Variants in PSMD13 observed in about 807,000 individuals in gnomAD.
PSMD13 encodes proteasome 26S subunit, non-ATPase 13, also known as 26S proteasome non-ATPase regulatory subunit 13.
Under a neutral mutation model 57.4 loss-of-function variants are expected in PSMD13, and 8 were observed. That is an observed-to-expected ratio of 0.14 (90% CI 0.08 to 0.25). PSMD13 has a LOEUF of 0.25. PSMD13 is among the 10% of genes least tolerant of loss of function. The probability of loss-of-function intolerance (pLI) is 1.00; values close to 1 mark genes in which losing one functional copy is unlikely to be tolerated. For synonymous variants in PSMD13, 193 were observed against 168.2 expected (o/e 1.15, Z -1.14); for missense variants, 400 against 461.5 (o/e 0.87, Z 1.22).
chr11:244,009 C>G, intron 2 of PSMD13, 32 bp from the exon 3 acceptor site: 1 of 1,584,270 alleles, frequency 6.3e-7, no homozygotes, highest in Non-Finnish European at 8.6e-7. Flanking sequence ...AAAAGACATC[C>G]TATAATTTCT....
intron 7 of PSMD13, 42 bp from the exon 8 acceptor site, chr11:248,734 T>C (rs1189857627): frequency 2.5e-6 from 4 of 1,579,122 alleles, no homozygotes; most frequent in Admixed American, 3.3e-5. Flanking sequence ...CAGGACTGAT[T>C]ATTATGACTG....
In PSMD13 at chr11:244,458, A is replaced by G; in HGVS notation, c.298A>G (p.Thr100Ala). Residue 100 changes from threonine (T) to alanine (A), a missense_variant, in exon 5 of 13, where the codon ACT (threonine) becomes GCT (alanine). Coordinates refer to ENST00000532097, the MANE Select transcript of PSMD13 (RefSeq NM_002817.4). ...PNVALTFLEK[T>A]REKVKSSDEA... The stretch of plus-strand genomic sequence containing the variant: ...TGTGGCTCTTACTTTTCTGGAAAAG[A>G]CTCGTGAGAAGGTAAATGTGGCATG... 1 of 1,607,704 alleles carries G rather than the reference A, an allele frequency of 6.2e-7. No homozygotes were observed. Among genetic ancestry groups the G allele is most frequent in the Non-Finnish European group, 8.5e-7 (1 of 1,176,246 alleles).
At chr11:245,986 G>C (rs569832427) in intron 6 of PSMD13, among the ~76,000 whole-genome samples, 12 of 152,152 alleles carry the variant, frequency 7.9e-5, no homozygotes, top group African/African-American at 2.7e-4. Flanking sequence ...GCACAGTCAG[G>C]GTCCCAGTAC....
intron 9 of PSMD13, among the ~76,000 whole-genome samples, chr11:249,586 G>A (rs1859732100): frequency 3.1e-5 from 3 of 95,252 alleles, no homozygotes; most frequent in Admixed American, 1.1e-4. Flanking sequence ...GAGAGCGGCG[G>A]GTGCGGGGAG....
intron 1 of PSMD13, among the ~76,000 whole-genome samples, chr11:237,861 G>C (rs181296190): frequency 6.6e-6 from 1 of 152,248 alleles, no homozygotes; most frequent in East Asian, 1.9e-4. Flanking sequence ...GCTGGCATTG[G>C]GCTGGAGCTA....
intron 2 of PSMD13, among the ~76,000 whole-genome samples, 198 bp downstream of exon 2, chr11:239,274 A>G (rs1380616436): frequency 6.6e-6 from 1 of 152,190 alleles, no homozygotes; most frequent in African/African-American, 2.4e-5. Flanking sequence ...TTTTTGATGT[A>G]GAAGCAAACA....
In PSMD13 at chr11:247,316, C is replaced by G; in HGVS notation, c.436C>G (p.Pro146Ala). ...TGTTGAAGAAATGCTCAACAACCTT[C>G]CTGGTGTGACATCGGTTCACAGTCG... ...EDVEEMLNNL[P>A]GVTSVHSRFY... The change falls in exon 7 of 13, where the codon CCT becomes GCT. Residue 146 changes from proline to alanine, a missense_variant. Coordinates refer to ENST00000532097, the MANE Select transcript of PSMD13 (RefSeq NM_002817.4). 2.5e-6 allele frequency: 4 copies of G among 1,613,930 alleles called. No individual in the cohort carries two copies. Among genetic ancestry groups the G allele is most frequent in the Non-Finnish European group, 3.4e-6 (4 of 1,179,936 alleles).
chr11:246,161 G>T (rs537130673), intron 6 of PSMD13, among the ~76,000 whole-genome samples: 1 of 152,088 alleles, frequency 6.6e-6, no homozygotes, highest in African/African-American at 2.4e-5. Flanking sequence ...ACTCCTATAC[G>T]GTATTTCATT....
chr11:246,509 A>G (rs887001365), intron 6 of PSMD13, among the ~76,000 whole-genome samples: 1 of 152,184 alleles, frequency 6.6e-6, no homozygotes, highest in Non-Finnish European at 1.5e-5. Context: ...TCAAAAAAAA[A>G]GGGAGATTTA....
At chr11:245,014 CA>C (rs1564821832) in intron 6 of PSMD13, among the ~76,000 whole-genome samples, 1 of 151,584 alleles carries the variant, frequency 6.6e-6, no homozygotes, top group Non-Finnish European at 1.5e-5. Flanking sequence ...AATCTCGGCC[CA>C]CCGCAACCTC....
At chr11:248,664 TAAC>T (rs564043364) in intron 7 of PSMD13, 109 bp from the exon 8 acceptor site, 408 of 1,043,474 alleles carry the variant, frequency 3.9e-4, no homozygotes, top group Non-Finnish European at 5.6e-4. Flanking sequence ...GGCTTTGTAA[TAAC>T]AACCATTACA....
chr11:243,298 T>G, intron 2 of PSMD13: 1 of 409,932 alleles, frequency 2.4e-6, no homozygotes, highest in South Asian at 2.2e-5. Context: ...TGCTTTTATA[T>G]TGAACATCAC....
chr11:249,049 G>A lies in PSMD13; in HGVS notation c.766G>A (p.Gly256Ser), dbSNP rs775054598. The change falls in exon 9 of 13, where the codon GGC becomes AGC. Residue 256 changes from glycine to serine, a missense_variant. By Grantham distance (56) the Gly-to-Ser change is moderately conservative. Coordinates refer to ENST00000532097, the MANE Select transcript of PSMD13 (RefSeq NM_002817.4). ...ERFQTLKTAW[G>S]QQPDLAANEA... Reference sequence around the variant, plus strand: ...GTTCCAGACTCTGAAGACTGCCTGGGGCCAGCAGGTAGGACTCCCACGATG... The same window carrying A: ...GTTCCAGACTCTGAAGACTGCCTGGAGCCAGCAGGTAGGACTCCCACGATG... 2 of 1,612,522 alleles carry A rather than the reference G, an allele frequency of 1.2e-6. No individual in the cohort carries two copies. Among genetic ancestry groups the A allele is most frequent in the Non-Finnish European group, 8.5e-7 (1 of 1,180,010 alleles).
chr11:239,111 A>T (rs776886863), intron 2 of PSMD13, 35 bp downstream of exon 2: 1 of 1,548,146 alleles, frequency 6.5e-7, no homozygotes. Context: ...AGATTATATG[A>T]ATGTGCTCAA....
rs374910609 is a variant in PSMD13 at position 251,776 on chromosome 11, G to C, written c.919-44G>C. On this transcript the variant is annotated intron_variant, in intron 11 of 12. Coordinates refer to ENST00000532097, the MANE Select transcript of PSMD13 (RefSeq NM_002817.4). The surrounding 1 kb of genome is among the most constrained non-coding windows in gnomAD (Gnocchi z 4.6). ...ACAAGCCATCTGGGTCCATGGGGGTGTGTCAGGCTATCTTGTCTTACACAC... is the reference window on the plus strand; with the variant it reads ...ACAAGCCATCTGGGTCCATGGGGGTCTGTCAGGCTATCTTGTCTTACACAC... The C allele has an allele frequency of 6.3e-7, 1 of 1,586,896 alleles. No individual in the cohort carries two copies. Among genetic ancestry groups the C allele is most frequent in the East Asian group, 2.2e-5 (1 of 44,634 alleles).
Position 239,022 on chromosome 11 carries a change from G to A in PSMD13, c.120G>A (p.Gln40=), listed in dbSNP as rs757115063. Residue 40 remains glutamine, a synonymous_variant, in exon 2 of 13, where the codon CAG becomes CAA. Transcript: ENST00000532097. ...TKKLWHQLTL[Q]VLDFVQDPCF... ...GGTTGTGGCATCAGCTGACACTTCA[G>A]GTGCTTGATTTTGTGCAGGATCCGT... is the stretch of plus-strand genomic sequence containing the variant. 2 of 1,614,202 alleles carry A rather than the reference G, an allele frequency of 1.2e-6. No individual in the cohort carries two copies. The highest frequency in any genetic ancestry group is 8.5e-7 in the Non-Finnish European group (1 of 1,180,026).
chr11:250,826 C>A lies in PSMD13; in HGVS notation c.798C>A (p.Ala266=). 1.2e-6 allele frequency: 2 copies of A among 1,613,990 alleles called. No individual in the cohort carries two copies. Among genetic ancestry groups the A allele is most frequent in the African/African-American group, 2.7e-5 (2 of 75,016 alleles). ...GQQPDLAANE[A]QLLRKIQLLC... ...AGCCTGATTTAGCAGCTAATGAAGC[C>A]CAGCTTCTGAGGAAAATTCAGTTGT... Residue 266 remains alanine, a synonymous_variant, in exon 10 of 13, where the codon GCC becomes GCA. Coordinates refer to ENST00000532097, the MANE Select transcript of PSMD13 (RefSeq NM_002817.4).
intron 6 of PSMD13, among the ~76,000 whole-genome samples, chr11:245,088 G>A (rs1026034919): frequency 6.6e-5 from 10 of 151,970 alleles, no homozygotes; most frequent in South Asian, 2.1e-4. Flanking sequence ...TTACAGGCGC[G>A]TGCCTCCCTG....
At chr11:245,980 A>C (rs1405339817) in intron 6 of PSMD13, among the ~76,000 whole-genome samples, 1 of 152,162 alleles carries the variant, frequency 6.6e-6, no homozygotes, top group Non-Finnish European at 1.5e-5. Context: ...CACACGGCAC[A>C]GTCAGGGTCC....
Sources: allele counts gnomAD v4.1 joint callset (sites outside exome capture counted in the v4.1 genomes callset), GRCh38; gene constraint gnomAD v4.1.1; non-coding constraint Gnocchi (gnomAD v3.1); transcripts MANE v1.5; gene names NCBI Gene and HGNC (gene_info 2026-07-23, HGNC 2026-07-21).